MAP4K3: variants seen among roughly 807,000 people sequenced by gnomAD.
MAP4K3 encodes the protein mitogen-activated protein kinase kinase kinase kinase 3.
Under a neutral mutation model 143.5 loss-of-function variants are expected in MAP4K3, and 94 were observed. The observed-to-expected ratio is 0.65, with a 90% CI of 0.55 to 0.78. The LOEUF (loss-of-function observed/expected upper bound fraction) is 0.78, where lower values mean the gene tolerates loss of function less well. Ranked by LOEUF, MAP4K3 falls within the 30% of genes least tolerant of loss-of-function variation. MAP4K3 has a pLI of 0.00. For synonymous variants in MAP4K3, 416 were observed against 347.2 expected, an observed-to-expected ratio of 1.20 and a Z score of -2.20; for missense variants, 1,077 against 1,068.1, an observed-to-expected ratio of 1.01 and a Z score of -0.12.
chr2:39,339,584 A>G (rs1665082310), intron 4 of MAP4K3, among the ~76,000 whole-genome samples: 1 of 152,204 alleles, frequency 6.6e-6, no homozygotes, highest in African/African-American at 2.4e-5. Context: ...GGCCCTAGGT[A>G]TGCAGAAGAG....
chr2:39,367,243 A>G (rs1665947615), intron 2 of MAP4K3, among the ~76,000 whole-genome samples: 1 of 152,170 alleles, frequency 6.6e-6, no homozygotes, highest in Non-Finnish European at 1.5e-5. Context: ...TGCTCAAACT[A>G]TCTAAACAAA....
intron 1 of MAP4K3, among the ~76,000 whole-genome samples, chr2:39,427,340 T>A (rs935700343): frequency 3.3e-5 from 5 of 151,700 alleles, no homozygotes; most frequent in African/African-American, 1.2e-4. Flanking sequence ...AGAAAAAAAA[T>A]CCTACCAAAT....
Position 39,315,351 on chromosome 2 carries a change from C to T in MAP4K3, c.956G>A (p.Ser319Asn). The change falls in exon 13 of 34, where the codon AGT becomes AAT. Residue 319 changes from serine to asparagine, a missense_variant. By Grantham distance (46) the Ser-to-Asn change is conservative. This residue lies in a region of MAP4K3 where 864 missense variants were observed against 801.2 expected (regional missense o/e 1.08). Transcript: ENST00000263881. The part of the protein sequence containing the change: ...VAVPHRIHST[S>N]RNVREEKTRS... ...TGTTTTTTCTTCTCTCACGTTTCTA[C>T]TTGTTGAGTGAATTCTATGTGGTAC... 1.2e-6 allele frequency: 2 copies of T among 1,612,570 alleles called. No individual in the cohort carries two copies. Among genetic ancestry groups the T allele is most frequent in the Non-Finnish European group, 1.7e-6 (2 of 1,179,140 alleles).
intron 8 of MAP4K3, among the ~76,000 whole-genome samples, chr2:39,326,962 A>T (rs764789349): frequency 6.6e-6 from 1 of 152,190 alleles, no homozygotes; most frequent in African/African-American, 2.4e-5. Flanking sequence ...ACCTTTGTTT[A>T]TAAATTTTAA....
intron 1 of MAP4K3, among the ~76,000 whole-genome samples, chr2:39,404,623 T>TC (rs973320486): frequency 6.8e-6 from 1 of 146,932 alleles, no homozygotes; most frequent in African/African-American, 2.5e-5. Flanking sequence ...CTTTCTTTTT[T>TC]TTTTTTTTTT....
At chr2:39,268,541 G>C (rs576096461) in intron 26 of MAP4K3, among the ~76,000 whole-genome samples, 2 of 151,646 alleles carry the variant, frequency 1.3e-5, no homozygotes, top group Non-Finnish European at 2.9e-5. Context: ...AGCTGGTCTC[G>C]GACTCCTGAG....
At chr2:39,313,396 C>T (rs1346094237) in intron 13 of MAP4K3, among the ~76,000 whole-genome samples, 1 of 152,126 alleles carries the variant, frequency 6.6e-6, no homozygotes, top group Non-Finnish European at 1.5e-5. Flanking sequence ...AAGCAGGCCC[C>T]AGTGTCTGTT....
chr2:39,276,574 T>C (rs1192173212), intron 24 of MAP4K3, among the ~76,000 whole-genome samples: 1 of 152,208 alleles, frequency 6.6e-6, no homozygotes, highest in Non-Finnish European at 1.5e-5. Context: ...AAGTTACTAA[T>C]CCTTTCGGTG....
intron 27 of MAP4K3, 61 bp from the exon 28 acceptor site, chr2:39,265,367 G>T (rs1284506802): frequency 1.0e-6 from 1 of 1,001,610 alleles, no homozygotes; most frequent in Non-Finnish European, 1.6e-6. Flanking sequence ...GACAATAATT[G>T]CATGCTCAAA....
At chr2:39,371,448 A>T (rs1158388826) in intron 2 of MAP4K3, among the ~76,000 whole-genome samples, 2 of 152,212 alleles carry the variant, frequency 1.3e-5, no homozygotes, top group Non-Finnish European at 1.5e-5. Flanking sequence ...GTTCTCCAGG[A>T]AAGAGTGGAA....
chr2:39,290,084 CAAAAAAAAA>C (rs57058905), intron 19 of MAP4K3, among the ~76,000 whole-genome samples, 199 bp downstream of exon 19: 161 of 111,934 alleles, frequency 1.4e-3, no homozygotes, highest in Middle Eastern at 4.1e-3. Flanking sequence ...GAGACTGTCT[CAAAAAAAAA>C]AAAAAAAAAA....
intron 18 of MAP4K3, among the ~76,000 whole-genome samples, 162 bp from the exon 19 acceptor site, chr2:39,290,496 G>T (rs1367358971): frequency 1.3e-5 from 2 of 152,010 alleles, no homozygotes; most frequent in Non-Finnish European, 2.9e-5. Context: ...TGTTGCTAGA[G>T]GTATTATTCA....
chr2:39,340,966 A>C (rs1665122359), intron 4 of MAP4K3, among the ~76,000 whole-genome samples: 1 of 152,168 alleles, frequency 6.6e-6, no homozygotes, highest in Non-Finnish European at 1.5e-5. Flanking sequence ...ACATCTAACT[A>C]AGATTCTAAA....
intron 2 of MAP4K3, among the ~76,000 whole-genome samples, chr2:39,364,605 C>T (rs973859569): frequency 6.6e-5 from 10 of 152,208 alleles, no homozygotes; most frequent in East Asian, 3.8e-4. Context: ...CGGTGGCTTA[C>T]GCCTGTAATG....
intron 1 of MAP4K3, among the ~76,000 whole-genome samples, chr2:39,426,651 A>C (rs1411759808): frequency 6.6e-6 from 1 of 152,028 alleles, no homozygotes; most frequent in Non-Finnish European, 1.5e-5. Context: ...GATGTATGAG[A>C]GTTATTTTAT....
chr2:39,360,494 C>G (rs1240047986), intron 2 of MAP4K3, among the ~76,000 whole-genome samples: 1 of 152,126 alleles, frequency 6.6e-6, no homozygotes, highest in African/African-American at 2.4e-5. Flanking sequence ...TGCCTGTTAC[C>G]CAATTCCAAA....
At chr2:39,425,237 A>G (rs2148632447) in intron 1 of MAP4K3, among the ~76,000 whole-genome samples, 1 of 152,310 alleles carries the variant, frequency 6.6e-6, no homozygotes, top group African/African-American at 2.4e-5. Context: ...CAAAGCAACA[A>G]ACTGCAAGAT....
intron 8 of MAP4K3, among the ~76,000 whole-genome samples, chr2:39,328,581 T>C (rs1683577482): frequency 6.6e-6 from 1 of 152,150 alleles, no homozygotes; most frequent in Non-Finnish European, 1.5e-5. Context: ...GAGCATTTAC[T>C]AAAAAGGGGC....
chr2:39,293,531 C>T (rs1405731970), intron 16 of MAP4K3, among the ~76,000 whole-genome samples: 1 of 151,894 alleles, frequency 6.6e-6, no homozygotes, highest in Non-Finnish European at 1.5e-5. Flanking sequence ...TTGAAAAATA[C>T]CAATTCAAAC....
Sources: allele counts gnomAD v4.1 joint callset (sites outside exome capture counted in the v4.1 genomes callset), GRCh38; gene constraint gnomAD v4.1.1; regional missense constraint gnomAD v4.1.1; transcripts MANE v1.5; gene names NCBI Gene and HGNC (gene_info 2026-07-23, HGNC 2026-07-21).